Variants in SLC22A3 observed in about 807,000 individuals in gnomAD.
The protein encoded by SLC22A3 is EMT organic cation transporter 3.
A neutral mutation model predicts 59.1 loss-of-function variants in SLC22A3; 51 were observed. The ratio of observed to expected loss-of-function variants is 0.86; its 90% CI spans 0.69 to 1.09. SLC22A3 has a LOEUF of 1.09. Among genes scored for constraint, SLC22A3 ranks in the 50% least tolerant of loss-of-function variants. SLC22A3 has a pLI of 0.00. For missense variants in SLC22A3, 711 were observed against 726.3 expected (o/e 0.98, Z 0.24); for synonymous variants, 325 against 292.0 (o/e 1.11, Z -1.15).
At chr6:160,369,591 T>C (rs1785327086) in intron 1 of SLC22A3, among the ~76,000 whole-genome samples, 1 of 152,228 alleles carries the variant, frequency 6.6e-6, no homozygotes, top group Non-Finnish European at 1.5e-5. Flanking sequence ...GTTTCAACAA[T>C]TTGTATTTCA....
chr6:160,421,625 C>A (rs1277544179), intron 5 of SLC22A3, among the ~76,000 whole-genome samples: 1 of 152,194 alleles, frequency 6.6e-6, no homozygotes, highest in African/African-American at 2.4e-5. Context: ...AAGTAAAACA[C>A]AAGGCAAAAC....
At chr6:160,450,972 A>G (rs1788937972) in intron 10 of SLC22A3, 24 bp from the exon 11 acceptor site, 1 of 1,573,164 alleles carries the variant, frequency 6.4e-7, no homozygotes, top group Non-Finnish European at 8.7e-7. Flanking sequence ...TCTTTCCTAA[A>G]GACTTTCTCC....
chr6:160,393,820 C>T (rs955737566), intron 1 of SLC22A3, among the ~76,000 whole-genome samples: 6 of 152,232 alleles, frequency 3.9e-5, no homozygotes, highest in South Asian at 2.1e-4. Context: ...CCCAGCATTT[C>T]ATCATTACAA....
At chr6:160,437,285 C>T in intron 7 of SLC22A3, 74 bp downstream of exon 7, 5 of 1,427,946 alleles carry the variant, frequency 3.5e-6, no homozygotes, top group Non-Finnish European at 4.9e-6. Context: ...GTATAGGGAG[C>T]CACTTGTTCT....
At position 160,433,277 on chromosome 6, in the gene SLC22A3, G is replaced by A. The variant is rs1788220171; in HGVS notation, c.976-3503G>A. ...TCATTGAGTGACTGGAGATCTGCCA[G>A]AGAAAGGCAATTATCTACAGAGCTA... On this transcript the variant is annotated intron_variant, in intron 5 of 10. Coordinates refer to ENST00000275300, the MANE Select transcript of SLC22A3 (RefSeq NM_021977.4). 3.3e-5 allele frequency among the ~76,000 whole-genome samples: 5 copies of A among 152,166 alleles called. No homozygotes were observed. The South Asian group carries it at 6.2e-4, about 19-fold the overall frequency.
intron 1 of SLC22A3, among the ~76,000 whole-genome samples, chr6:160,366,503 T>C (rs1785210704): frequency 6.6e-6 from 1 of 152,296 alleles, no homozygotes; most frequent in Admixed American, 6.5e-5. Context: ...AGGCACACGG[T>C]GCAAGCTGTC....
intron 1 of SLC22A3, among the ~76,000 whole-genome samples, chr6:160,378,501 T>C (rs1054088953): frequency 2.0e-5 from 3 of 152,218 alleles, no homozygotes; most frequent in Admixed American, 6.5e-5. Context: ...AGGGCTACCA[T>C]AATGTTGAAA....
chr6:160,364,930 A>T (rs1340230865), intron 1 of SLC22A3, among the ~76,000 whole-genome samples: 1 of 152,178 alleles, frequency 6.6e-6, no homozygotes, highest in East Asian at 1.9e-4. Context: ...TGTACACATT[A>T]TCTTTTACCT....
Position 160,348,454 on chromosome 6 carries a change from G to T in SLC22A3, c.35G>T (p.Gly12Val). 6.5e-7 allele frequency: 1 copy of T among 1,532,270 alleles called. No homozygotes were observed. The allele number at this position is 1,532,270 out of a possible 1,614,324, so 94.9% of individuals were successfully genotyped here. A position where few individuals can be genotyped will look rare whatever the true frequency, so the allele number is the denominator to read the frequency against. Reference protein sequence around the residue: ...PSFDEALQRVGEFGRFQRRVF... With the variant: ...PSFDEALQRVVEFGRFQRRVF... ...TTCGACGAGGCGCTGCAGCGGGTGG[G>T]CGAGTTCGGGCGCTTCCAGAGGCGC... The change falls in exon 1 of 11, where the codon GGC becomes GTC. Residue 12 changes from glycine to valine, a missense_variant. Gly to Val is a moderately radical substitution (Grantham distance 109). Coordinates refer to ENST00000275300, the MANE Select transcript of SLC22A3 (RefSeq NM_021977.4).
At chr6:160,409,207 T>G (rs1787150334) in intron 4 of SLC22A3, among the ~76,000 whole-genome samples, 2 of 99,948 alleles carry the variant, frequency 2.0e-5, no homozygotes, top group Non-Finnish European at 2.0e-5. Context: ...GAGTGTGATA[T>G]TCCCCTTCCT....
intron 1 of SLC22A3, among the ~76,000 whole-genome samples, chr6:160,360,709 T>C (rs1784985570): frequency 6.6e-6 from 1 of 152,176 alleles, no homozygotes; most frequent in Admixed American, 6.5e-5. Context: ...ACGCTCTATT[T>C]CCCTTTGCAA....
chr6:160,391,618 G>A (rs1786259865), intron 1 of SLC22A3, among the ~76,000 whole-genome samples: 1 of 152,184 alleles, frequency 6.6e-6, no homozygotes, highest in Non-Finnish European at 1.5e-5. Flanking sequence ...TCTTTGCCAA[G>A]AGAACCCAGA....
intron 2 of SLC22A3, among the ~76,000 whole-genome samples, chr6:160,399,021 C>A (rs1168591434): frequency 6.6e-6 from 1 of 152,178 alleles, no homozygotes; most frequent in African/African-American, 2.4e-5. Flanking sequence ...AATAGAACAA[C>A]AAAAGGCCCC....
chr6:160,371,841 G>T (rs1201016739), intron 1 of SLC22A3, among the ~76,000 whole-genome samples: 1 of 152,104 alleles, frequency 6.6e-6, no homozygotes, highest in African/African-American at 2.4e-5. Flanking sequence ...AGCATCTGTT[G>T]TTTCCTGCCT....
intron 2 of SLC22A3, among the ~76,000 whole-genome samples, chr6:160,404,788 A>T (rs1470945624): frequency 1.3e-5 from 2 of 152,018 alleles, no homozygotes; most frequent in Non-Finnish European, 2.9e-5. Flanking sequence ...GCCTAGAAAT[A>T]GACCCACATA....
At chr6:160,385,868 A>T (rs1785987383) in intron 1 of SLC22A3, among the ~76,000 whole-genome samples, 1 of 152,018 alleles carries the variant, frequency 6.6e-6, no homozygotes, top group Non-Finnish European at 1.5e-5. Flanking sequence ...TGTGGCTTGG[A>T]ATTTGTGTTA....
chr6:160,410,587 T>G, intron 4 of SLC22A3, 142 bp from the exon 5 acceptor site: 1 of 671,534 alleles, frequency 1.5e-6, no homozygotes, highest in South Asian at 1.6e-5. Context: ...TAATCTGTAT[T>G]TCAGGGACCT....
Position 160,375,058 on chromosome 6 carries a change from A to G in SLC22A3, c.430-22921A>G, listed in dbSNP as rs1242927123. 2.0e-5 allele frequency among the ~76,000 whole-genome samples: 3 copies of G among 152,224 alleles called. No individual in the cohort carries two copies. The East Asian group carries it at 5.8e-4, about 29-fold the overall frequency. ...ATGGGGAAAGTGAAGTTGGCAAGGC[A>G]GAAATGACCACATGCTCACCCAAAA... On this transcript the variant is annotated intron_variant, in intron 1 of 10. Coordinates refer to ENST00000275300, the MANE Select transcript of SLC22A3 (RefSeq NM_021977.4).
chr6:160,376,017 C>A (rs1273764718), intron 1 of SLC22A3, among the ~76,000 whole-genome samples: 1 of 152,026 alleles, frequency 6.6e-6, no homozygotes, highest in Non-Finnish European at 1.5e-5. Flanking sequence ...TGTAGAGAAA[C>A]TAATCTAAAG....
Sources: gnomAD v4.1 joint callset for allele counts (sites outside exome capture counted in the v4.1 genomes callset) on GRCh38, gnomAD v4.1.1 for gene constraint, MANE v1.5 for transcripts, NCBI Gene and HGNC (gene_info 2026-07-23, HGNC 2026-07-21) for gene names.